The following PRKG1 variants were observed in gnomAD, a reference collection of about 807,000 sequenced individuals.
PRKG1 encodes cGMP-dependent protein kinase 1.
Under a neutral mutation model 88.1 loss-of-function variants are expected in PRKG1, and 35 were observed. The ratio of observed to expected loss-of-function variants is 0.40; its 90% CI spans 0.30 to 0.53. PRKG1 has a LOEUF of 0.53. PRKG1 is among the 20% of genes least tolerant of loss of function. The pLI is 0.59. For synonymous variants in PRKG1, 303 were observed against 292.5 expected (o/e 1.04, Z -0.37); for missense variants, 540 against 839.8 (o/e 0.64, Z 4.41).
At chr10:51,119,990 G>A (rs536506079) in intron 1 of PRKG1, among the ~76,000 whole-genome samples, 85 of 152,116 alleles carry the variant, frequency 5.6e-4, no homozygotes, top group African/African-American at 2.0e-3. Context: ...AAGCTTCAGT[G>A]GGTTCTCCAT....
At chr10:51,744,600 C>A (rs1421248306) in intron 3 of PRKG1, among the ~76,000 whole-genome samples, 2 of 152,060 alleles carry the variant, frequency 1.3e-5, no homozygotes, top group Non-Finnish European at 2.9e-5. Flanking sequence ...GTATAATTTT[C>A]TTGTTTGTAT....
intron 4 of PRKG1, among the ~76,000 whole-genome samples, chr10:51,828,501 A>C (rs1839931012): frequency 6.6e-6 from 1 of 152,152 alleles, no homozygotes; most frequent in Non-Finnish European, 1.5e-5. Flanking sequence ...TTTACATTAG[A>C]GAAGTGGTAG....
chr10:51,370,516 G>A (rs1006545110), intron 2 of PRKG1, among the ~76,000 whole-genome samples: 11 of 150,932 alleles, frequency 7.3e-5, no homozygotes, highest in African/African-American at 2.4e-4. Flanking sequence ...GTGTGTATGT[G>A]TGTGTGTGTG....
At chr10:51,701,517 G>A (rs969251401) in intron 3 of PRKG1, among the ~76,000 whole-genome samples, 2 of 152,112 alleles carry the variant, frequency 1.3e-5, no homozygotes, top group Non-Finnish European at 2.9e-5. Context: ...TCAAAGAAAC[G>A]GAATAGTCAC....
chr10:51,719,156 AAGAG>A (rs112793661), intron 3 of PRKG1, among the ~76,000 whole-genome samples: 3 of 150,224 alleles, frequency 2.0e-5, no homozygotes, highest in Non-Finnish European at 3.0e-5. Flanking sequence ...TCTCAAAAAA[AAGAG>A]AGAGAGAGAG....
At chr10:51,718,225 CCTT>C (rs1306930725) in intron 3 of PRKG1, among the ~76,000 whole-genome samples, 1 of 152,160 alleles carries the variant, frequency 6.6e-6, no homozygotes, top group Non-Finnish European at 1.5e-5. Context: ...ATCAAGAAAG[CCTT>C]CTCTGAAAAG....
At chr10:51,267,945 C>G (rs1184293965) in intron 2 of PRKG1, among the ~76,000 whole-genome samples, 1 of 152,136 alleles carries the variant, frequency 6.6e-6, no homozygotes, top group Non-Finnish European at 1.5e-5. Flanking sequence ...AGATATCGGG[C>G]AAAATTCACC....
At chr10:51,979,843 T>C (rs1843960161) in intron 5 of PRKG1, among the ~76,000 whole-genome samples, 1 of 152,074 alleles carries the variant, frequency 6.6e-6, no homozygotes. Flanking sequence ...ATATCCTGTT[T>C]GTCATTTATA....
intron 2 of PRKG1, among the ~76,000 whole-genome samples, chr10:51,369,776 G>A (rs1842663153): frequency 6.6e-6 from 1 of 152,040 alleles, no homozygotes; most frequent in Non-Finnish European, 1.5e-5. Flanking sequence ...GTTTTTGCAA[G>A]AAGCTTTAGG....
At chr10:52,119,790 T>A (rs1405232054) in intron 7 of PRKG1, among the ~76,000 whole-genome samples, 2 of 152,126 alleles carry the variant, frequency 1.3e-5, no homozygotes, top group African/African-American at 4.8e-5. Flanking sequence ...TTTTTTACAG[T>A]TGGAAGTTGA....
intron 3 of PRKG1, among the ~76,000 whole-genome samples, chr10:51,762,683 T>C (rs1474055632): frequency 6.6e-6 from 1 of 152,194 alleles, no homozygotes; most frequent in Non-Finnish European, 1.5e-5. Context: ...CCTAGTCCTC[T>C]CAACAGAAGA....
In PRKG1 at chr10:52,203,064, G is replaced by A. The variant is rs560898358; in HGVS notation, c.1076+41101G>A. ...TTCCTTGTCTTCTGCTAGCTTTGGG[G>A]TTGCTTTGCTCTTGTTTATCTAGTT... On this transcript the variant is annotated intron_variant, in intron 9 of 17. Coordinates refer to ENST00000373980, the MANE Select transcript of PRKG1 (RefSeq NM_006258.4). Among the ~76,000 whole-genome samples, 7 of 151,976 alleles carry A rather than the reference G, an allele frequency of 4.6e-5. No homozygotes were observed. In the South Asian group the frequency reaches 1.5e-3, roughly 32 times the overall value.
At chr10:51,728,453 G>GTTTTTTTTTT (rs56975031) in intron 3 of PRKG1, among the ~76,000 whole-genome samples, 2 of 58,804 alleles carry the variant, frequency 3.4e-5, no homozygotes, top group Non-Finnish European at 7.3e-5. Context: ...TTTTTTCTTT[G>GTTTTTTTTTT]TTTTTTTTTT....
intron 2 of PRKG1, among the ~76,000 whole-genome samples, chr10:51,225,624 T>G (rs1554848880): frequency 1.3e-5 from 2 of 152,184 alleles, no homozygotes; most frequent in Non-Finnish European, 2.9e-5. Context: ...TTTCTTAACT[T>G]TTTGTTTATT....
At chr10:51,053,530 A>C (rs1009671717) in intron 1 of PRKG1, among the ~76,000 whole-genome samples, 1 of 152,016 alleles carries the variant, frequency 6.6e-6, no homozygotes, top group African/African-American at 2.4e-5. Context: ...TACATGCATC[A>C]CCCCCCATGG....
At chr10:52,033,101 A>T (rs1489469919) in intron 5 of PRKG1, among the ~76,000 whole-genome samples, 1 of 152,166 alleles carries the variant, frequency 6.6e-6, no homozygotes, top group African/African-American at 2.4e-5. Flanking sequence ...CTTTTAGTAT[A>T]CTAATATTAC....
chr10:51,420,075 A>C (rs1393350281), intron 2 of PRKG1, among the ~76,000 whole-genome samples: 1 of 152,082 alleles, frequency 6.6e-6, no homozygotes. Context: ...AAGGGGAGTA[A>C]AGTCACTGTT....
intron 5 of PRKG1, among the ~76,000 whole-genome samples, chr10:52,024,664 C>CT (rs965481151): frequency 3.0e-4 from 45 of 152,216 alleles, no homozygotes; most frequent in African/African-American, 1.1e-3. Flanking sequence ...TGAACTCATC[C>CT]TTTTTTATGG....
intron 1 of PRKG1, among the ~76,000 whole-genome samples, chr10:51,035,799 T>C (rs966835679): frequency 5.9e-5 from 9 of 152,232 alleles, no homozygotes; most frequent in Non-Finnish European, 1.3e-4. Context: ...TGAAATCACC[T>C]ATAACCCTAT....
Sources: gnomAD v4.1 joint callset for allele counts (sites outside exome capture counted in the v4.1 genomes callset) on GRCh38, gnomAD v4.1.1 for gene constraint, MANE v1.5 for transcripts, NCBI Gene and HGNC (gene_info 2026-07-23, HGNC 2026-07-21) for gene names.